The following CAMSAP1 variants were observed in gnomAD, a reference collection of about 807,000 sequenced individuals.
The protein encoded by CAMSAP1 is calmodulin regulated spectrin associated protein 1, also known as calmodulin-regulated spectrin-associated protein 1.
CAMSAP1 carries 58 observed loss-of-function variants against 143.5 expected under a neutral mutation model. The observed-to-expected ratio is 0.40, with a 90% CI of 0.33 to 0.50. The LOEUF (loss-of-function observed/expected upper bound fraction) is 0.50. Ranked by LOEUF, CAMSAP1 falls within the 20% of genes least tolerant of loss-of-function variation. CAMSAP1 has a pLI of 0.45. For missense variants in CAMSAP1, 1,969 were observed against 2,115.7 expected, an observed-to-expected ratio of 0.93 and a Z score of 1.36; for synonymous variants, 945 against 859.3, an observed-to-expected ratio of 1.10 and a Z score of -1.74.
chr9:135,845,861 A>G (rs1005654286), intron 7 of CAMSAP1, among the ~76,000 whole-genome samples: 3 of 152,194 alleles, frequency 2.0e-5, no homozygotes, highest in Non-Finnish European at 4.4e-5. Flanking sequence ...TCAAAGAAAT[A>G]AGAGAGGAAA....
intron 1 of CAMSAP1, among the ~76,000 whole-genome samples, chr9:135,894,514 C>T (rs529089103): frequency 7.2e-4 from 110 of 152,320 alleles, no homozygotes; most frequent in Non-Finnish European, 1.2e-3. Flanking sequence ...AGAGGCAGCA[C>T]GCTGCCCAGC....
intron 7 of CAMSAP1, among the ~76,000 whole-genome samples, chr9:135,844,441 C>T (rs1836477276): frequency 1.3e-5 from 2 of 152,182 alleles, no homozygotes; most frequent in African/African-American, 4.8e-5. Flanking sequence ...CTCTGGGACA[C>T]AGCTAAAGCA....
chr9:135,876,713 A>G (rs1350738784), intron 3 of CAMSAP1, among the ~76,000 whole-genome samples: 1 of 152,226 alleles, frequency 6.6e-6, no homozygotes, highest in Non-Finnish European at 1.5e-5. Flanking sequence ...TTTTACTTAA[A>G]GAAATAAAAA....
rs770135369 is a variant in CAMSAP1 at position 135,818,449 on chromosome 9, TC to T, written c.4126del (p.Glu1376LysfsTer18). 2 of 1,600,528 alleles carry T rather than the reference TC, an allele frequency of 1.2e-6. No homozygotes were observed. Among genetic ancestry groups the T allele is most frequent in the Non-Finnish European group, 1.7e-6 (2 of 1,177,180 alleles). ...GGTGCCGGAGTCGCTGCACGACTCT[TC>T]CCGGTGCACCGACTTCGGCCGCGGC... is the stretch of plus-strand genomic sequence containing the variant. ...KKPRPKSVHR[E>X]ESCSDSGTKC... On this transcript the variant is annotated frameshift_variant, in exon 13 of 17. Transcript: ENST00000389532. LOFTEE classifies it high-confidence loss of function. This position sits in a 1 kb window ranked among gnomAD's most constrained non-coding sequence, Gnocchi z 7.7.
Position 135,815,172 on chromosome 9 carries a change from C to A in CAMSAP1, c.4431G>T (p.Pro1477=). 6.2e-7 allele frequency: 1 copy of A among 1,613,748 alleles called. No homozygotes were observed. Residue 1477 remains proline, a synonymous_variant, in exon 16 of 17, where the codon CCG becomes CCT. Transcript: ENST00000389532. ...FKEPSSKSNK[P]IIHNAISHCC... is the part of the protein sequence containing the mutation. ...AATGGGATATGGCATTGTGAATAAT[C>A]GGCTTGTTTGATTTACTACTGGGCT...
chr9:135,846,973 G>C (rs996528666), intron 7 of CAMSAP1, among the ~76,000 whole-genome samples: 3 of 152,080 alleles, frequency 2.0e-5, no homozygotes, highest in African/African-American at 7.2e-5. Flanking sequence ...ACAGTGTGGC[G>C]ATTCCTCAAG....
rs1244709221 is a variant in CAMSAP1, at chr9:135,881,621, C to T, written c.585+12G>A. On this transcript the variant is annotated intron_variant, in intron 3 of 16. Transcript: ENST00000389532. Reference sequence around the variant, plus strand: ...AGCAGAGTCACACACCACATCTAGGCAGGGCACTCACCTTGTTGATCCAGA... The same window carrying T: ...AGCAGAGTCACACACCACATCTAGGTAGGGCACTCACCTTGTTGATCCAGA... 1.3e-5 allele frequency: 20 copies of T among 1,551,438 alleles called. No individual in the cohort carries two copies. Among genetic ancestry groups the T allele is most frequent in the Non-Finnish European group, 1.7e-5 (19 of 1,146,920 alleles).
In CAMSAP1 at chr9:135,850,462, C is replaced by A; in HGVS notation, c.809-1G>T. The stretch of plus-strand genomic sequence containing the variant: ...GACGTTACCTCCTTTAAGCATATAT[C>A]TAATAGACAAAAAGAAAATCACAAT... On this transcript the variant is annotated splice_acceptor_variant, in intron 5 of 16. Transcript: ENST00000389532. LOFTEE classifies it high-confidence loss of function. The A allele has an allele frequency of 6.4e-7, 1 of 1,553,694 alleles. No individual in the cohort carries two copies. Among genetic ancestry groups the A allele is most frequent in the Non-Finnish European group, 8.7e-7 (1 of 1,155,668 alleles).
At chr9:135,837,018 A>G in intron 7 of CAMSAP1, 1 of 857,380 alleles carries the variant, frequency 1.2e-6, no homozygotes, top group Non-Finnish European at 1.4e-6. Flanking sequence ...TTCTAGAGAC[A>G]CACGTCACCA....
At chr9:135,835,715 A>G (rs1459393732) in intron 7 of CAMSAP1, among the ~76,000 whole-genome samples, 1 of 152,256 alleles carries the variant, frequency 6.6e-6, no homozygotes, top group Admixed American at 6.5e-5. Flanking sequence ...ACGGTGGCTC[A>G]CGCCTGTAAG....
Position 135,821,821 on chromosome 9 carries a change from C to A in CAMSAP1, c.2840G>T (p.Cys947Phe), listed in dbSNP as rs751115885. The change falls in exon 11 of 17, where the codon TGT becomes TTT. Residue 947 changes from cysteine to phenylalanine, a missense_variant. By Grantham distance (205) the Cys-to-Phe change is radical. This residue lies in a region of CAMSAP1 where 1,390 missense variants were observed against 1,420.8 expected (regional missense o/e 0.98). Coordinates refer to ENST00000389532, the MANE Select transcript of CAMSAP1 (RefSeq NM_015447.4). The surrounding 1 kb of genome is among the most constrained non-coding windows in gnomAD (Gnocchi z 4.6). ...TTCGGTTTTGGAAACAGCGTCCCCA[C>A]AGTCCTCCCCGTTGTGCTGAGAGTA... ...KEYSQHNGEDCGDAVSKTEDF... is the reference protein window; with the variant it reads ...KEYSQHNGEDFGDAVSKTEDF... The A allele has an allele frequency of 6.2e-7, 1 of 1,614,074 alleles. No homozygotes were observed. The highest frequency in any genetic ancestry group is 8.5e-7 in the Non-Finnish European group (1 of 1,179,914).
chr9:135,841,144 G>A lies in CAMSAP1; in HGVS notation c.1045+8993C>T, dbSNP rs537396017. On this transcript the variant is annotated intron_variant, in intron 7 of 16. Transcript: ENST00000389532. ...CACAGTAGTCTGAAGTCGACCTGGG[G>A]TGCTCGAGCTTGGTGGGAGGAGGGA... is the stretch of plus-strand genomic sequence containing the variant. Among the ~76,000 whole-genome samples the A allele has an allele frequency of 8.2e-4, 125 of 152,280 alleles. 1 individual carries two copies. In the South Asian group the frequency reaches 0.01, roughly 13 times the overall value.
chr9:135,863,988 C>T (rs1000848726), intron 4 of CAMSAP1, among the ~76,000 whole-genome samples: 2 of 152,214 alleles, frequency 1.3e-5, no homozygotes, highest in Non-Finnish European at 2.9e-5. Flanking sequence ...ACTTGTATAG[C>T]TGCCTTGCAA....
intron 11 of CAMSAP1, among the ~76,000 whole-genome samples, chr9:135,819,652 G>T (rs890584638): frequency 6.7e-6 from 1 of 149,180 alleles, no homozygotes; most frequent in Non-Finnish European, 1.5e-5. Flanking sequence ...TGGCCGACAT[G>T]GCGAAACCCT....
chr9:135,902,556 G>A (rs908150717), intron 1 of CAMSAP1, among the ~76,000 whole-genome samples: 4 of 152,180 alleles, frequency 2.6e-5, no homozygotes, highest in African/African-American at 4.8e-5. Flanking sequence ...ACAATATGGC[G>A]ACCCTCTGGA....
chr9:135,828,769 T>C (rs1345979463), intron 7 of CAMSAP1, among the ~76,000 whole-genome samples: 2 of 152,182 alleles, frequency 1.3e-5, no homozygotes, highest in Non-Finnish European at 2.9e-5. Flanking sequence ...TATAATCAAA[T>C]TGTCAAAGAC....
chr9:135,825,648 C>T (rs780456870), intron 8 of CAMSAP1, among the ~76,000 whole-genome samples: 2 of 152,358 alleles, frequency 1.3e-5, no homozygotes, highest in Admixed American at 6.5e-5. Flanking sequence ...TGCCACTCCA[C>T]AGGCACCAGC....
chr9:135,865,412 G>A (rs764730265), intron 4 of CAMSAP1: 225 of 1,539,352 alleles, frequency 1.5e-4, no homozygotes, highest in Non-Finnish European at 1.8e-4. Flanking sequence ...CATCAGCAGA[G>A]CAGGTCCACG....
rs751134561 is a variant in CAMSAP1 at position 135,809,776 on chromosome 9, G to T, written c.*1533C>A. 2.0e-5 allele frequency: 3 copies of T among 152,574 alleles called. No homozygotes were observed. The highest frequency in any genetic ancestry group is 2.9e-5 in the Non-Finnish European group (2 of 68,036). 9.5% of individuals were successfully genotyped at this position (152,574 alleles called of 1,614,324 possible). A position where few individuals can be genotyped will look rare whatever the true frequency, so the allele number is the denominator to read the frequency against. On this transcript the variant is annotated 3_prime_UTR_variant, in exon 17 of 17. Coordinates refer to ENST00000389532, the MANE Select transcript of CAMSAP1 (RefSeq NM_015447.4). The stretch of plus-strand genomic sequence containing the variant: ...GTTCCCTATTTACAGGACAGAGAGC[G>T]GCTGTGTCGAACACGATATATACAA...
Sources: allele counts gnomAD v4.1 joint callset (sites outside exome capture counted in the v4.1 genomes callset), GRCh38; gene constraint gnomAD v4.1.1; regional missense constraint gnomAD v4.1.1; non-coding constraint Gnocchi (gnomAD v3.1); transcripts MANE v1.5; gene names NCBI Gene and HGNC (gene_info 2026-07-23, HGNC 2026-07-21).